NUDT17: variants seen among roughly 807,000 people sequenced by gnomAD.
NUDT17 encodes m7GpppN-mRNA hydrolase NUDT17.
NUDT17 carries 38 observed loss-of-function variants against 38.6 expected under a neutral mutation model. The observed-to-expected ratio is 0.98, with a 90% CI of 0.76 to 1.29. The LOEUF (loss-of-function observed/expected upper bound fraction) is 1.29. Among genes scored for constraint, NUDT17 ranks in the 50% most tolerant of loss-of-function variants. The pLI is 0.00. For missense variants in NUDT17, 462 were observed against 415.2 expected (o/e 1.11, Z -0.98); for synonymous variants, 192 against 167.8 (o/e 1.14, Z -1.11).
In NUDT17 at chr1:145,847,226, A is replaced by G. The variant is rs782299828; in HGVS notation, c.496-24A>G. 5 of 1,345,238 alleles carry G rather than the reference A, an allele frequency of 3.7e-6. No homozygotes were observed. In the East Asian group the frequency reaches 1.2e-4, roughly 32 times the overall value. 83.3% of individuals were successfully genotyped at this position (1,345,238 alleles called of 1,614,324 possible). ...AAAAAAAAAGTGACGGAAAGTTCTC[A>G]CTTTTGCTGTTTTCTTTTCCTAGTC... On this transcript the variant is annotated intron_variant, in intron 4 of 7. Transcript: ENST00000334513.
chr1:145,845,903 T>G, intron 1 of NUDT17, 71 bp downstream of exon 1: 1 of 1,530,394 alleles, frequency 6.5e-7, no homozygotes, highest in Non-Finnish European at 8.8e-7. Flanking sequence ...GGGTGGGAAC[T>G]GGCGGCGAGG....
rs781894121 is a variant in NUDT17 at position 145,848,280 on chromosome 1, G to A, written c.884+16G>A. The A allele has an allele frequency of 1.2e-6, 2 of 1,614,094 alleles. No homozygotes were observed. Among genetic ancestry groups the A allele is most frequent in the Non-Finnish European group, 1.7e-6 (2 of 1,179,962 alleles). ...ATCTGGGCAGGTAAAAGTGAAAAAGGACTGGAGAGCTCCACAGTACTGGGC... is the reference window on the plus strand; with the variant it reads ...ATCTGGGCAGGTAAAAGTGAAAAAGAACTGGAGAGCTCCACAGTACTGGGC... On this transcript the variant is annotated intron_variant, in intron 7 of 7. Coordinates refer to ENST00000334513, the MANE Select transcript of NUDT17 (RefSeq NM_001012758.3).
chr1:145,847,222 T>C (rs782314355), intron 4 of NUDT17, 28 bp from the exon 5 acceptor site: 2 of 1,308,062 alleles, frequency 1.5e-6, no homozygotes, highest in African/African-American at 1.5e-5. Flanking sequence ...GACGGAAAGT[T>C]CTCACTTTTG....
rs782334151 is a variant in NUDT17, at chr1:145,847,720, G to A, written c.731+1G>A. On this transcript the variant is annotated splice_donor_variant, in intron 6 of 7. Transcript: ENST00000334513. LOFTEE classifies it high-confidence loss of function. ...CCCAGGACCTACCACCCTCTGTCCT[G>A]TAAGTAAGAGCTTCTCCCTCAGCCT... The A allele has an allele frequency of 1.9e-6, 3 of 1,613,986 alleles. No homozygotes were observed. Among genetic ancestry groups the A allele is most frequent in the African/African-American group, 1.3e-5 (1 of 75,022 alleles).
chr1:145,848,050 CAT>C lies in NUDT17; in HGVS notation c.732-57_732-56del, dbSNP rs1337555477. On this transcript the variant is annotated intron_variant, in intron 6 of 7. Transcript: ENST00000334513. ...TAGTTGGGAGGATTCGGGGACCTAACATATATGTAAGTTCTTTGTAAGCTACA... is the reference window on the plus strand; with the variant it reads ...TAGTTGGGAGGATTCGGGGACCTAACATATGTAAGTTCTTTGTAAGCTACA... The C allele has an allele frequency of 2.5e-6, 4 of 1,593,298 alleles. No homozygotes were observed. The East Asian group carries it at 8.9e-5, about 36-fold the overall frequency.
intron 2 of NUDT17, 97 bp from the exon 3 acceptor site, chr1:145,846,334 CCT>C (rs782465120): frequency 2.0e-6 from 3 of 1,504,402 alleles, no homozygotes; most frequent in South Asian, 1.1e-5. Flanking sequence ...ACTGCAACTC[CCT>C]CTGTGTCCAC....
intron 2 of NUDT17, 77 bp from the exon 3 acceptor site, chr1:145,846,356 G>A (rs782212549): frequency 3.2e-6 from 5 of 1,549,972 alleles, no homozygotes; most frequent in Admixed American, 3.4e-5. Context: ...CTGGAGGGGA[G>A]AGGAGTGTCA....
At position 145,847,724 on chromosome 1, in the gene NUDT17, G is replaced by GT. The variant is rs1553733010; in HGVS notation, c.731+6dup. The GT allele has an allele frequency of 1.9e-6, 3 of 1,614,008 alleles. No homozygotes were observed. Among genetic ancestry groups the GT allele is most frequent in the Non-Finnish European group, 2.5e-6 (3 of 1,179,888 alleles). ...GGACCTACCACCCTCTGTCCTGTAA[G>GT]TAAGAGCTTCTCCCTCAGCCTCTAA... On this transcript the variant is annotated splice_donor_region_variant and intron_variant, in intron 6 of 7. Transcript: ENST00000334513.
In NUDT17 at chr1:145,845,949, G is replaced by C. The variant is rs368724898; in HGVS notation, c.193-64G>C. The stretch of plus-strand genomic sequence containing the variant: ...CAACGCGCGGTGTAGCCCCATTTTT[G>C]GAAGTCACGCCCACCCAGTGCCGCC... On this transcript the variant is annotated intron_variant, in intron 1 of 7. Coordinates refer to ENST00000334513, the MANE Select transcript of NUDT17 (RefSeq NM_001012758.3). 6.4e-5 allele frequency: 98 copies of C among 1,537,870 alleles called. 4 individuals carry two copies. The highest frequency in any genetic ancestry group is 5.2e-4 in the East Asian group (22 of 41,948).
At position 145,847,313 on chromosome 1, in the gene NUDT17, C is replaced by G; in HGVS notation, c.559C>G (p.Leu187Val). The G allele has an allele frequency of 6.2e-7, 1 of 1,611,550 alleles. No homozygotes were observed. Among genetic ancestry groups the G allele is most frequent in the African/African-American group, 1.3e-5 (1 of 74,942 alleles). Residue 187 changes from leucine to valine, a missense_variant, in exon 5 of 8, where the codon CTC becomes GTC. Transcript: ENST00000334513. The part of the protein sequence containing the change: ...PKYHHIVLYL[L>V]VISQESQQQL... ...ATACCATCACATTGTTCTGTATCTA[C>G]TCGTGATCTCCCAGGAATCACAGCA...
chr1:145,848,457 C>T lies in NUDT17; in HGVS notation c.965C>T (p.Pro322Leu), dbSNP rs372456821. 6.2e-6 allele frequency: 10 copies of T among 1,613,734 alleles called. No individual in the cohort carries two copies. Among genetic ancestry groups the T allele is most frequent in the South Asian group, 2.2e-5 (2 of 91,064 alleles). ...KEEWNMDPLP[P>L]NQGSGK ...GAATGGAACATGGACCCTCTTCCCC[C>T]AAACCAGGGGTCTGGAAAGTGAAGT... The change falls in exon 8 of 8, where the codon CCA becomes CTA. Residue 322 changes from proline (P) to leucine (L), a missense_variant. By Grantham distance (98) the Pro-to-Leu change is moderately conservative (BLOSUM62 -3). Coordinates refer to ENST00000334513, the MANE Select transcript of NUDT17 (RefSeq NM_001012758.3).
At chr1:145,846,727 C>G (rs782123062) in intron 4 of NUDT17, 37 bp downstream of exon 4, 31 of 1,369,540 alleles carry the variant, frequency 2.3e-5, no homozygotes, top group East Asian at 4.6e-5. Flanking sequence ...CTCCATAGAT[C>G]AGCCCCTACC....
In NUDT17 at chr1:145,846,139, T is replaced by A. The variant is rs782768416; in HGVS notation, c.319T>A (p.Leu107Met). Reference protein sequence around the residue: ...VILQSSDKTVLLTRRARTLSV... With the variant: ...VILQSSDKTVMLTRRARTLSV... The stretch of plus-strand genomic sequence containing the variant: ...TCTGCAGTCCAGCGACAAGACTGTC[T>A]TGCTAACCCGAAGGGCACGCACCCT... Residue 107 changes from leucine to methionine, a missense_variant, in exon 2 of 8, where the codon TTG (leucine) becomes ATG (methionine). By Grantham distance (15) the Leu-to-Met change is conservative. Coordinates refer to ENST00000334513, the MANE Select transcript of NUDT17 (RefSeq NM_001012758.3). 1.9e-6 allele frequency: 3 copies of A among 1,599,516 alleles called. No homozygotes were observed. Among genetic ancestry groups the A allele is most frequent in the Non-Finnish European group, 2.6e-6 (3 of 1,173,438 alleles).
At position 145,847,151 on chromosome 1, in the gene NUDT17, G is replaced by A. The variant is rs190730472; in HGVS notation, c.496-99G>A. On this transcript the variant is annotated intron_variant, in intron 4 of 7. Coordinates refer to ENST00000334513, the MANE Select transcript of NUDT17 (RefSeq NM_001012758.3). ...AGAGGTTGCAGTGAGCCAAGATCAC[G>A]CCATTGCATGCCAGCCTGGGCGACA... is the stretch of plus-strand genomic sequence containing the variant. 7.7e-5 allele frequency: 53 copies of A among 684,152 alleles called. 1 individual carries two copies. Among genetic ancestry groups the A allele is most frequent in the Admixed American group, 4.0e-4 (16 of 40,326 alleles). 42.4% of individuals were successfully genotyped at this position (684,152 alleles called of 1,614,324 possible).
At position 145,846,580 on chromosome 1, in the gene NUDT17, G is replaced by A; in HGVS notation, c.403-18G>A. 1 of 1,612,852 alleles carries A rather than the reference G, an allele frequency of 6.2e-7. No individual in the cohort carries two copies. Among genetic ancestry groups the A allele is most frequent in the South Asian group, 1.1e-5 (1 of 91,068 alleles). On this transcript the variant is annotated intron_variant, in intron 3 of 7. Transcript: ENST00000334513. Reference sequence around the variant, plus strand: ...AGTCAGGCACTGGCCCCTCTGATGTGTCTTCTCTGACTCCCAGCTGCTGGA... The same window carrying A: ...AGTCAGGCACTGGCCCCTCTGATGTATCTTCTCTGACTCCCAGCTGCTGGA...
chr1:145,848,052 T>C (rs1652790649), intron 6 of NUDT17, 60 bp from the exon 7 acceptor site: 1 of 1,594,672 alleles, frequency 6.3e-7, no homozygotes, highest in Non-Finnish European at 8.6e-7. Flanking sequence ...GGACCTAACA[T>C]ATATGTAAGT....
In NUDT17 at chr1:145,848,275, A is replaced by G. The variant is rs920368411; in HGVS notation, c.884+11A>G. 1.9e-6 allele frequency: 3 copies of G among 1,614,164 alleles called. No homozygotes were observed. Among genetic ancestry groups the G allele is most frequent in the Middle Eastern group, 1.6e-4 (1 of 6,062 alleles). ...GCAACATCTGGGCAGGTAAAAGTGA[A>G]AAAGGACTGGAGAGCTCCACAGTAC... On this transcript the variant is annotated intron_variant, in intron 7 of 7. Coordinates refer to ENST00000334513, the MANE Select transcript of NUDT17 (RefSeq NM_001012758.3).
Position 145,847,818 on chromosome 1 carries a change from G to A in NUDT17, c.731+99G>A, listed in dbSNP as rs1226072530. The A allele has an allele frequency of 3.0e-6, 4 of 1,326,402 alleles. No individual in the cohort carries two copies. The African/African-American group carries it at 4.3e-5, about 14-fold the overall frequency. 82.2% of individuals were successfully genotyped at this position (1,326,402 alleles called of 1,614,324 possible). Reference sequence around the variant, plus strand: ...CCTCAGGATGGAATTTTGTGTTGTGGGGGAGATTTAAGGAGAGTGGGTCAG... The same window carrying A: ...CCTCAGGATGGAATTTTGTGTTGTGAGGGAGATTTAAGGAGAGTGGGTCAG... On this transcript the variant is annotated intron_variant, in intron 6 of 7. Coordinates refer to ENST00000334513, the MANE Select transcript of NUDT17 (RefSeq NM_001012758.3).
In NUDT17 at chr1:145,847,720, G is replaced by C. The variant is rs782334151; in HGVS notation, c.731+1G>C. On this transcript the variant is annotated splice_donor_variant, in intron 6 of 7. Transcript: ENST00000334513. LOFTEE classifies it high-confidence loss of function. ...CCCAGGACCTACCACCCTCTGTCCT[G>C]TAAGTAAGAGCTTCTCCCTCAGCCT... The C allele has an allele frequency of 1.2e-6, 2 of 1,613,986 alleles. No individual in the cohort carries two copies. Among genetic ancestry groups the C allele is most frequent in the South Asian group, 1.1e-5 (1 of 91,060 alleles).
Sources: gnomAD v4.1 joint callset for allele counts on GRCh38, gnomAD v4.1.1 for gene constraint, MANE v1.5 for transcripts, NCBI Gene and HGNC (gene_info 2026-07-23, HGNC 2026-07-21) for gene names.